FYB2: variants seen among roughly 807,000 people sequenced by gnomAD.
FYB2 encodes the protein FYN-binding protein 2.
A neutral mutation model predicts 94.1 loss-of-function variants in FYB2; 103 were observed. That is an observed-to-expected ratio of 1.09 (90% CI 0.93 to 1.29). The LOEUF is 1.29. Among genes scored for constraint, FYB2 ranks in the 50% most tolerant of loss-of-function variants. The pLI, the probability that FYB2 is intolerant of heterozygous loss-of-function variation, is 0.00. For synonymous variants in FYB2, 293 were observed against 287.9 expected (o/e 1.02, Z -0.18); for missense variants, 896 against 841.5 (o/e 1.06, Z -0.80).
chr1:56,809,080 T>C (rs554792429), intron 1 of FYB2, among the ~76,000 whole-genome samples: 2 of 152,300 alleles, frequency 1.3e-5, no homozygotes, highest in East Asian at 3.9e-4. Flanking sequence ...ACCATTCACA[T>C]TGGCCACCAT....
At chr1:56,752,478 C>T (rs1265132568) in intron 8 of FYB2, among the ~76,000 whole-genome samples, 1 of 151,946 alleles carries the variant, frequency 6.6e-6, no homozygotes, top group Non-Finnish European at 1.5e-5. Context: ...AATTAATAGA[C>T]ATAAGGAGTG....
chr1:56,772,585 A>C (rs1282321905), intron 4 of FYB2, among the ~76,000 whole-genome samples: 2 of 152,144 alleles, frequency 1.3e-5, no homozygotes, highest in Non-Finnish European at 2.9e-5. Flanking sequence ...CACATTTATG[A>C]AAAATGTGTC....
intron 5 of FYB2, among the ~76,000 whole-genome samples, chr1:56,763,577 C>T (rs1218121217): frequency 6.6e-6 from 1 of 152,092 alleles, no homozygotes; most frequent in African/African-American, 2.4e-5. Flanking sequence ...GTTTTGATAT[C>T]TACAGAGTCT....
At chr1:56,721,743 G>C (rs1644489658) in intron 17 of FYB2, among the ~76,000 whole-genome samples, 1 of 152,014 alleles carries the variant, frequency 6.6e-6, no homozygotes, top group Non-Finnish European at 1.5e-5. Flanking sequence ...CTGTTTACTT[G>C]AAATACTCTT....
At chr1:56,791,905 A>G (rs1646275014) in intron 2 of FYB2, 151 bp downstream of exon 2, 7 of 1,125,190 alleles carry the variant, frequency 6.2e-6, no homozygotes, top group Non-Finnish European at 8.3e-6. Context: ...CGAGGTTACA[A>G]TTTAGCAGAT....
chr1:56,738,513 G>A (rs965954571), intron 14 of FYB2, 112 bp downstream of exon 14: 20 of 1,125,276 alleles, frequency 1.8e-5, no homozygotes, highest in Non-Finnish European at 2.5e-5. Context: ...TTTTGGTAGA[G>A]CAATTTTTCA....
intron 1 of FYB2, among the ~76,000 whole-genome samples, chr1:56,793,955 C>A (rs1646335796): frequency 6.6e-6 from 1 of 152,136 alleles, no homozygotes; most frequent in African/African-American, 2.4e-5. Flanking sequence ...GAAACTTGAT[C>A]TTCCCTCTAA....
At chr1:56,721,066 G>A (rs972914171) in intron 17 of FYB2, among the ~76,000 whole-genome samples, 5 of 151,972 alleles carry the variant, frequency 3.3e-5, no homozygotes, top group Admixed American at 3.3e-4. Flanking sequence ...CCAGTTGGGG[G>A]CAATTCCCAG....
chr1:56,739,373 A>AGGGAAG (rs770845968), intron 13 of FYB2, among the ~76,000 whole-genome samples: 14 of 152,018 alleles, frequency 9.2e-5, no homozygotes, highest in Non-Finnish European at 1.9e-4. Flanking sequence ...CTCTTCTTCC[A>AGGGAAG]TATCAGGACT....
At chr1:56,723,717 A>G in intron 16 of FYB2, 36 bp from the exon 17 acceptor site, 2 of 1,236,934 alleles carry the variant, frequency 1.6e-6, no homozygotes, top group Non-Finnish European at 2.3e-6. Flanking sequence ...AAAACGTACT[A>G]TAATAAAACT....
rs149780626 is a variant in FYB2, at chr1:56,753,108, A to G, written c.1227+731T>C. ...GCTCATACAGCCAACATGCTGTTTG[A>G]CTTACCCTACTTCTGCAGATGGGAC... On this transcript the variant is annotated intron_variant, in intron 8 of 19. Transcript: ENST00000343433. Among the ~76,000 whole-genome samples the G allele has an allele frequency of 3.9e-3, 589 of 152,088 alleles. 4 individuals carry two copies. Among genetic ancestry groups the G allele is most frequent in the African/African-American group, 0.014 (563 of 41,524 alleles).
intron 5 of FYB2, among the ~76,000 whole-genome samples, 177 bp from the exon 6 acceptor site, chr1:56,758,927 T>C (rs1187910268): frequency 2.0e-5 from 3 of 152,108 alleles, no homozygotes; most frequent in Admixed American, 6.5e-5. Context: ...GTGATCATGG[T>C]TTTAATTTCT....
chr1:56,748,148 C>T (rs1363828612), intron 9 of FYB2, among the ~76,000 whole-genome samples: 2 of 152,020 alleles, frequency 1.3e-5, no homozygotes, highest in Non-Finnish European at 2.9e-5. Flanking sequence ...GGATATTAGA[C>T]CTTTGTCAGA....
chr1:56,789,276 A>C (rs1646206796), intron 2 of FYB2, 142 bp from the exon 3 acceptor site: 2 of 919,882 alleles, frequency 2.2e-6, no homozygotes, highest in East Asian at 5.5e-5. Flanking sequence ...TCAATACATA[A>C]ACCTGATCAG....
At chr1:56,745,045 C>T (rs1313178285) in intron 9 of FYB2, among the ~76,000 whole-genome samples, 1 of 152,014 alleles carries the variant, frequency 6.6e-6, no homozygotes, top group Non-Finnish European at 1.5e-5. Context: ...AGTCAGTGAG[C>T]GTGTAGGCCC....
At chr1:56,805,507 C>G (rs898114577) in intron 1 of FYB2, among the ~76,000 whole-genome samples, 1 of 152,094 alleles carries the variant, frequency 6.6e-6, no homozygotes, top group Non-Finnish European at 1.5e-5. Flanking sequence ...AGCTGTGCCC[C>G]CTGAAGATGA....
At chr1:56,824,117 G>A (rs1647009506), upstream of FYB2, 1 of 152,206 alleles carries the variant, frequency 6.6e-6, no homozygotes, top group African/African-American at 2.4e-5. Flanking sequence ...GGAGTGGTAG[G>A]TCTCTCCACA....
intron 1 of FYB2, among the ~76,000 whole-genome samples, chr1:56,810,784 T>C (rs2101077967): frequency 6.6e-6 from 1 of 152,286 alleles, no homozygotes; most frequent in Non-Finnish European, 1.5e-5. Context: ...AGATTTTTCT[T>C]TGGGTTAATT....
At chr1:56,791,548 A>G (rs886411930) in intron 2 of FYB2, among the ~76,000 whole-genome samples, 1 of 152,208 alleles carries the variant, frequency 6.6e-6, no homozygotes, top group Non-Finnish European at 1.5e-5. Flanking sequence ...GTGCCCAGCC[A>G]GTCCTTATCC....
Sources: gnomAD v4.1 joint callset for allele counts (sites outside exome capture counted in the v4.1 genomes callset) on GRCh38, gnomAD v4.1.1 for gene constraint, MANE v1.5 for transcripts, NCBI Gene and HGNC (gene_info 2026-07-23, HGNC 2026-07-21) for gene names.